ADAP1: variants seen among roughly 807,000 people sequenced by gnomAD.
ADAP1 encodes arf-GAP with dual PH domain-containing protein 1.
Under a neutral mutation model 54.9 loss-of-function variants are expected in ADAP1, and 31 were observed. The observed-to-expected ratio is 0.56, with a 90% CI of 0.42 to 0.76. The LOEUF (loss-of-function observed/expected upper bound fraction) is 0.76. ADAP1 is among the 30% of genes least tolerant of loss of function. ADAP1 has a pLI of 0.00. For synonymous variants in ADAP1, 313 were observed against 202.6 expected, an observed-to-expected ratio of 1.55 and a Z score of -4.63; for missense variants, 535 against 512.4, an observed-to-expected ratio of 1.04 and a Z score of -0.42.
chr7:944,507 G>C (rs1052941487), intron 1 of ADAP1, among the ~76,000 whole-genome samples: 1 of 152,054 alleles, frequency 6.6e-6, no homozygotes, highest in Non-Finnish European at 1.5e-5. Context: ...GCCCACCTCG[G>C]CCTCCCAGAG....
chr7:925,847 G>A lies in ADAP1; in HGVS notation c.305+706C>T, dbSNP rs117715654. 1.5e-3 allele frequency among the ~76,000 whole-genome samples: 223 copies of A among 152,342 alleles called. 8 individuals are homozygous for A. In the East Asian group the frequency reaches 0.04, roughly 28 times the overall value. ...GGGTTCACGGAGTGAGTCAACGGAG[G>A]GCGGTGCCCAGTGAGGCTGGGATTG... On this transcript the variant is annotated intron_variant, in intron 3 of 10. Coordinates refer to ENST00000265846, the MANE Select transcript of ADAP1 (RefSeq NM_006869.4).
intron 6 of ADAP1, 136 bp downstream of exon 6, chr7:903,990 A>G: frequency 8.2e-7 from 1 of 1,214,924 alleles, no homozygotes; most frequent in Non-Finnish European, 1.1e-6. Flanking sequence ...GCCCAGCCCG[A>G]CTTCCCGCCT....
At chr7:940,032 C>T (rs891401752) in intron 1 of ADAP1, among the ~76,000 whole-genome samples, 1 of 152,060 alleles carries the variant, frequency 6.6e-6, no homozygotes, top group Non-Finnish European at 1.5e-5. Flanking sequence ...GGCACAAGGT[C>T]CCCCGGTGTA....
intron 2 of ADAP1, chr7:927,372 T>C (rs1583170590): frequency 1.5e-6 from 1 of 675,472 alleles, no homozygotes; most frequent in East Asian, 6.7e-5. Flanking sequence ...ATGGTGAGCC[T>C]TGAGCAGCAG....
At chr7:917,628 C>T (rs1036361699) in intron 4 of ADAP1, among the ~76,000 whole-genome samples, 1 of 152,198 alleles carries the variant, frequency 6.6e-6, no homozygotes, top group East Asian at 1.9e-4. Context: ...CCACACCTGG[C>T]TAATTTTTGT....
In ADAP1 at chr7:926,847, G is replaced by A; in HGVS notation, c.214-203C>T. On this transcript the variant is annotated intron_variant, in intron 2 of 10. Coordinates refer to ENST00000265846, the MANE Select transcript of ADAP1 (RefSeq NM_006869.4). The surrounding 1 kb of genome is among the most constrained non-coding windows in gnomAD (Gnocchi z 4.6). ...TCGACCCTCCCCTGGGACAGGGAAG[G>A]AGCCAGCGTCCCTAACGACGGGGTC... is the stretch of plus-strand genomic sequence containing the variant. 1.3e-6 allele frequency: 1 copy of A among 782,660 alleles called. No homozygotes were observed. The highest frequency in any genetic ancestry group is 1.9e-6 in the Non-Finnish European group (1 of 521,566). The allele number at this position is 782,660 out of a possible 1,614,324, so 48.5% of individuals were successfully genotyped here.
At chr7:944,593 A>G (rs774857674) in intron 1 of ADAP1, among the ~76,000 whole-genome samples, 7 of 152,084 alleles carry the variant, frequency 4.6e-5, no homozygotes, top group Non-Finnish European at 8.8e-5. Flanking sequence ...TTGTGGGTAC[A>G]TAAGAGGTGT....
At chr7:908,058 G>A (rs1233984290) in intron 4 of ADAP1, among the ~76,000 whole-genome samples, 1 of 152,156 alleles carries the variant, frequency 6.6e-6, no homozygotes, top group South Asian at 2.1e-4. Context: ...GCACTTGCTT[G>A]GGGACAGCAT....
At chr7:905,224 C>T (rs775789559) in intron 4 of ADAP1, 52 bp from the exon 5 acceptor site, 3 of 1,428,120 alleles carry the variant, frequency 2.1e-6, no homozygotes, top group Admixed American at 1.8e-5. Flanking sequence ...GGGGAGGAAA[C>T]AAAAGGAGTG....
intron 2 of ADAP1, chr7:927,030 C>T (rs1846415073): frequency 8.0e-7 from 1 of 1,257,796 alleles, no homozygotes; most frequent in South Asian, 1.4e-5. Context: ...CGAGGGCTTC[C>T]TCGTTCACCC....
At position 937,691 on chromosome 7, in the gene ADAP1, GCCTCTGGGATTTGGGGGTCATGCCCGA is replaced by G. The variant is rs1562934327; in HGVS notation, c.83-2213_83-2187del. Among the ~76,000 whole-genome samples, 93 of 54,824 alleles carry G rather than the reference GCCTCTGGGATTTGGGGGTCATGCCCGA, an allele frequency of 1.7e-3. 19 individuals are homozygous for G. The highest frequency in any genetic ancestry group is 0.012 in the Middle Eastern group (1 of 82). 36.0% of individuals were successfully genotyped at this position (54,824 alleles called of 152,430 possible). ...CTCTGGGATTTGGGGGTCATGCCCGGCCTCTGGGATTTGGGGGTCATGCCCGACCTCTGGGATTTGGGGGTCATGCCC... is the reference window on the plus strand; with the variant it reads ...CTCTGGGATTTGGGGGTCATGCCCGGCCTCTGGGATTTGGGGGTCATGCCC... On this transcript the variant is annotated intron_variant, in intron 1 of 10. Coordinates refer to ENST00000265846, the MANE Select transcript of ADAP1 (RefSeq NM_006869.4).
At chr7:900,909 G>C (rs1232334468) in intron 6 of ADAP1, 2 of 581,736 alleles carry the variant, frequency 3.4e-6, no homozygotes, top group African/African-American at 1.9e-5. Context: ...GGGCTGGACA[G>C]GGTCGGGGGC....
chr7:899,569 G>A (rs1024444338), intron 8 of ADAP1, 79 bp from the exon 9 acceptor site: 10 of 1,508,518 alleles, frequency 6.6e-6, no homozygotes, highest in Middle Eastern at 1.7e-4. Flanking sequence ...ACACCCCGGA[G>A]GGCAGGGCCC....
intron 2 of ADAP1, chr7:927,341 T>C: frequency 1.1e-6 from 1 of 916,774 alleles, no homozygotes; most frequent in Non-Finnish European, 1.5e-6. Context: ...ACGCTGGCAA[T>C]GACCCTGCCG....
chr7:940,473 G>A (rs986923156), intron 1 of ADAP1, among the ~76,000 whole-genome samples: 1 of 152,144 alleles, frequency 6.6e-6, no homozygotes, highest in African/African-American at 2.4e-5. Context: ...CACTGGTAGG[G>A]CAGGAAGTTT....
chr7:910,069 GCA>G (rs1845659644), intron 4 of ADAP1, among the ~76,000 whole-genome samples: 2 of 152,108 alleles, frequency 1.3e-5, no homozygotes, highest in South Asian at 4.2e-4. Context: ...AAACCAGTGT[GCA>G]CACACAGGCG....
Position 898,901 on chromosome 7 carries a change from T to C in ADAP1, c.*20A>G. 6.3e-7 allele frequency: 1 copy of C among 1,590,844 alleles called. No individual in the cohort carries two copies. The highest frequency in any genetic ancestry group is 2.3e-5 in the East Asian group (1 of 43,228). The stretch of plus-strand genomic sequence containing the variant: ...CCAGCCACAGTGAGTCCAATGTCCG[T>C]GGTCCTCCAGCCGCACTCGCTAAGG... On this transcript the variant is annotated 3_prime_UTR_variant, in exon 11 of 11. Transcript: ENST00000265846.
At chr7:935,161 A>G (rs1218979624) in intron 2 of ADAP1, 1 of 710,182 alleles carries the variant, frequency 1.4e-6, no homozygotes, top group South Asian at 1.5e-5. Context: ...AGCTGCTCAC[A>G]GAGAGGTTGG....
chr7:949,286 G>T (rs561254089), intron 1 of ADAP1, among the ~76,000 whole-genome samples: 1 of 152,244 alleles, frequency 6.6e-6, no homozygotes, highest in South Asian at 2.1e-4. Flanking sequence ...TGGCCACACG[G>T]CCACGTGCCG....
Sources: allele counts gnomAD v4.1 joint callset (sites outside exome capture counted in the v4.1 genomes callset), GRCh38; gene constraint gnomAD v4.1.1; non-coding constraint Gnocchi (gnomAD v3.1); transcripts MANE v1.5; gene names NCBI Gene and HGNC (gene_info 2026-07-23, HGNC 2026-07-21).